DNAH14: variants seen among roughly 807,000 people sequenced by gnomAD.
The protein encoded by DNAH14 is axonemal beta dynein heavy chain 14.
Under a neutral mutation model 520.9 loss-of-function variants are expected in DNAH14, and 478 were observed. The ratio of observed to expected loss-of-function variants is 0.92; its 90% CI spans 0.85 to 0.99. The LOEUF is 0.99. DNAH14 is among the 50% of genes least tolerant of loss of function. DNAH14 has a pLI of 0.00. For missense variants in DNAH14, 4,831 were observed against 5,234.5 expected, an observed-to-expected ratio of 0.92 and a Z score of 2.38; for synonymous variants, 1,581 against 1,757.2, an observed-to-expected ratio of 0.90 and a Z score of 2.51.
intron 21 of DNAH14, among the ~76,000 whole-genome samples, chr1:225,096,350 A>G (rs1375497085): frequency 1.3e-5 from 2 of 152,232 alleles, no homozygotes; most frequent in East Asian, 3.9e-4. Context: ...CTATTGAAAT[A>G]TAAAATAAAG....
chr1:225,333,202 G>C, intron 65 of DNAH14, 89 bp from the exon 66 acceptor site: 1 of 1,095,076 alleles, frequency 9.1e-7, no homozygotes, highest in Non-Finnish European at 1.3e-6. Context: ...TAATTGCAAT[G>C]ATAGATCCAA....
chr1:225,021,339 G>A (rs1383643884), intron 10 of DNAH14, among the ~76,000 whole-genome samples: 2 of 152,160 alleles, frequency 1.3e-5, no homozygotes, highest in Non-Finnish European at 2.9e-5. Context: ...CATCCAGATA[G>A]GAAGAGGTCA....
intron 81 of DNAH14, among the ~76,000 whole-genome samples, chr1:225,387,838 C>A (rs1376694493): frequency 6.6e-6 from 1 of 152,088 alleles, no homozygotes; most frequent in Non-Finnish European, 1.5e-5. Context: ...TCCCCACTTG[C>A]AACAAACAGG....
chr1:225,013,609 G>A lies in DNAH14; in HGVS notation c.1107+6065G>A, dbSNP rs189656021. On this transcript the variant is annotated intron_variant, in intron 10 of 85. Coordinates refer to ENST00000682510, the MANE Select transcript of DNAH14 (RefSeq NM_001367479.1). Reference sequence around the variant, plus strand: ...AAGGAGATGGGAGTTTTATCTGTAAGCCCCTGACTGGGGCTGCTGCCTTTC... The same window carrying A: ...AAGGAGATGGGAGTTTTATCTGTAAACCCCTGACTGGGGCTGCTGCCTTTC... Among the ~76,000 whole-genome samples, 11 of 152,296 alleles carry A rather than the reference G, an allele frequency of 7.2e-5. No homozygotes were observed. The East Asian group carries it at 2.1e-3, about 29-fold the overall frequency.
chr1:225,346,181 G>T lies in DNAH14; in HGVS notation c.10898G>T (p.Trp3633Leu), dbSNP rs1449265795. ...TACATGTACCAGTTCTCCCTAGACT[G>T]GTTTCATCAGGTTTTTGTTTCATCA... is the stretch of plus-strand genomic sequence containing the variant. The part of the protein sequence containing the change: ...INYMYQFSLD[W>L]FHQVFVSSVV... Residue 3633 changes from tryptophan (W) to leucine (L), a missense_variant, in exon 70 of 86, where the codon TGG becomes TTG. Trp to Leu is a moderately conservative substitution (Grantham distance 61, BLOSUM62 -2). Transcript: ENST00000682510. The T allele has an allele frequency of 1.3e-6, 2 of 1,551,398 alleles. No homozygotes were observed. The highest frequency in any genetic ancestry group is 4.9e-5 in the East Asian group (2 of 40,938).
At chr1:224,991,983 A>G (rs1440083616) in intron 8 of DNAH14, among the ~76,000 whole-genome samples, 1 of 152,158 alleles carries the variant, frequency 6.6e-6, no homozygotes, top group Non-Finnish European at 1.5e-5. Context: ...AACACTATTT[A>G]TTGAAGAGAC....
At chr1:225,056,262 A>G (rs970958002) in intron 17 of DNAH14, among the ~76,000 whole-genome samples, 1 of 152,220 alleles carries the variant, frequency 6.6e-6, no homozygotes, top group South Asian at 2.1e-4. Context: ...ATTGTGGTTT[A>G]GATTTGCATT....
At chr1:225,242,998 A>G (rs2092059143) in intron 43 of DNAH14, among the ~76,000 whole-genome samples, 1 of 152,194 alleles carries the variant, frequency 6.6e-6, no homozygotes, top group Non-Finnish European at 1.5e-5. Context: ...AGTTCTATTT[A>G]AGACATCTGG....
chr1:225,064,009 A>C (rs1040711990), intron 17 of DNAH14, among the ~76,000 whole-genome samples: 2 of 152,054 alleles, frequency 1.3e-5, no homozygotes, highest in Admixed American at 1.3e-4. Context: ...GAATGAGAAA[A>C]ATCTCTTTGG....
At chr1:225,272,141 A>G (rs2093332068) in intron 51 of DNAH14, 68 bp downstream of exon 51, 1 of 1,400,004 alleles carries the variant, frequency 7.1e-7, no homozygotes, top group African/African-American at 1.5e-5. Flanking sequence ...TACTGTCAAC[A>G]TTAGATTGTT....
chr1:225,120,406 TGCA>T (rs934143641), intron 26 of DNAH14, among the ~76,000 whole-genome samples: 4 of 152,224 alleles, frequency 2.6e-5, no homozygotes, highest in African/African-American at 9.6e-5. Flanking sequence ...GGTTCAGACT[TGCA>T]GCAAGAGGCT....
rs561612724 is a variant in DNAH14 at position 225,190,111 on chromosome 1, G to T, written c.5671-2585G>T. Reference sequence around the variant, plus strand: ...CCATGACCCCAAGTGGATGCCTGGGGCCACAGATAGTACTGAACCCTATAT... The same window carrying T: ...CCATGACCCCAAGTGGATGCCTGGGTCCACAGATAGTACTGAACCCTATAT... On this transcript the variant is annotated intron_variant, in intron 37 of 85. Transcript: ENST00000682510. 7.2e-5 allele frequency among the ~76,000 whole-genome samples: 11 copies of T among 151,932 alleles called. No individual in the cohort carries two copies. In the South Asian group the frequency reaches 2.3e-3, roughly 32 times the overall value.
intron 36 of DNAH14, among the ~76,000 whole-genome samples, chr1:225,173,994 A>G (rs1277755490): frequency 6.6e-6 from 1 of 152,198 alleles, no homozygotes; most frequent in Admixed American, 6.5e-5. Context: ...CATCATTCTC[A>G]GCAAACTATC....
At chr1:225,306,931 G>A (rs1368590074) in intron 58 of DNAH14, among the ~76,000 whole-genome samples, 1 of 151,884 alleles carries the variant, frequency 6.6e-6, no homozygotes, top group Non-Finnish European at 1.5e-5. Flanking sequence ...GGGTAGATAT[G>A]GGGGGAGAAA....
intron 85 of DNAH14, among the ~76,000 whole-genome samples, 187 bp from the exon 86 acceptor site, chr1:225,398,867 T>C (rs548474451): frequency 1.3e-5 from 2 of 152,304 alleles, no homozygotes; most frequent in South Asian, 2.1e-4. Flanking sequence ...CTCAATAATA[T>C]GTACTATAAA....
chr1:225,206,259 A>G, intron 40 of DNAH14, 80 bp downstream of exon 40: 2 of 1,257,666 alleles, frequency 1.6e-6, no homozygotes, highest in Non-Finnish European at 2.2e-6. Context: ...ACAGCATTTT[A>G]TGTTTATTTT....
chr1:225,224,821 A>T (rs1311592520), intron 41 of DNAH14, among the ~76,000 whole-genome samples: 3 of 152,182 alleles, frequency 2.0e-5, no homozygotes, highest in African/African-American at 7.2e-5. Context: ...CTGGAGGCCT[A>T]TTCTGCTTAG....
intron 41 of DNAH14, among the ~76,000 whole-genome samples, chr1:225,210,124 TG>T (rs1188950184): frequency 2.6e-5 from 4 of 151,492 alleles, no homozygotes; most frequent in Middle Eastern, 6.8e-3. Context: ...CGTACCCCAG[TG>T]GGGTACTTAC....
intron 8 of DNAH14, among the ~76,000 whole-genome samples, chr1:224,989,923 T>TCATGCATCATGA (rs1324815628): frequency 7.9e-5 from 12 of 152,086 alleles, no homozygotes; most frequent in Admixed American, 6.6e-4. Context: ...CTATTGGTCA[T>TCATGCATCATGA]GATGCATAAT....
Sources: allele counts gnomAD v4.1 joint callset (sites outside exome capture counted in the v4.1 genomes callset), GRCh38; gene constraint gnomAD v4.1.1; transcripts MANE v1.5; gene names NCBI Gene and HGNC (gene_info 2026-07-23, HGNC 2026-07-21).